HYDIN: variants seen among roughly 807,000 people sequenced by gnomAD.
The protein encoded by HYDIN is HYDIN axonemal central pair apparatus protein, also known as axonemal central pair apparatus protein HYDIN.
In HYDIN, 132 loss-of-function variants were observed where a neutral mutation model predicts 403.9. That is an observed-to-expected ratio of 0.33 (90% CI 0.28 to 0.38). The LOEUF (loss-of-function observed/expected upper bound fraction) is 0.38, where lower values mean the gene tolerates loss of function less well. HYDIN is among the 10% of genes least tolerant of loss of function. HYDIN has a pLI of 1.00. For missense variants in HYDIN, 2,827 were observed against 5,009.5 expected (o/e 0.56, Z 13.15); for synonymous variants, 1,202 against 1,891.7 (o/e 0.64, Z 9.46).
chr16:70,843,276 A>T (rs2037963960), intron 75 of HYDIN, among the ~76,000 whole-genome samples: 1 of 143,164 alleles, frequency 7.0e-6, no homozygotes, highest in Non-Finnish European at 1.5e-5. Flanking sequence ...CCCACCTATG[A>T]GTGAGAATAT....
intron 9 of HYDIN, among the ~76,000 whole-genome samples, chr16:71,124,017 C>T (rs1162736750): frequency 6.6e-6 from 1 of 151,686 alleles, no homozygotes; most frequent in Non-Finnish European, 1.5e-5. Flanking sequence ...GTCATTACTC[C>T]CTTTCTCCAC....
intron 36 of HYDIN, among the ~76,000 whole-genome samples, chr16:70,967,706 T>G (rs1210625894): frequency 1.3e-5 from 2 of 152,346 alleles, no homozygotes; most frequent in East Asian, 3.9e-4. Flanking sequence ...CAGGATGGTC[T>G]CGATCTCCTG....
chr16:70,945,431 G>C (rs1347344981), intron 41 of HYDIN, among the ~76,000 whole-genome samples: 3 of 152,204 alleles, frequency 2.0e-5, no homozygotes, highest in South Asian at 2.1e-4. Flanking sequence ...CCCTTCGAGA[G>C]AGATTGAAAG....
intron 17 of HYDIN, among the ~76,000 whole-genome samples, 160 bp downstream of exon 17, chr16:71,062,009 A>G (rs1170379692): frequency 7.2e-5 from 11 of 152,186 alleles, no homozygotes; most frequent in African/African-American, 2.4e-4. Context: ...AAAGTCACAT[A>G]GCACCGGTAT....
At chr16:71,200,821 A>G (rs1345560660) in intron 1 of HYDIN, among the ~76,000 whole-genome samples, 1 of 152,164 alleles carries the variant, frequency 6.6e-6, no homozygotes, top group Non-Finnish European at 1.5e-5. Flanking sequence ...GAAACTCACT[A>G]TCATGAACAC....
At chr16:70,967,874 C>T (rs2078627765) in intron 36 of HYDIN, among the ~76,000 whole-genome samples, 1 of 152,196 alleles carries the variant, frequency 6.6e-6, no homozygotes, top group African/African-American at 2.4e-5. Context: ...GTGTGTACAA[C>T]TGTGCCTGGC....
At position 70,964,890 on chromosome 16, in the gene HYDIN, G is replaced by A. The variant is rs1189741059; in HGVS notation, c.5626C>T (p.Arg1876Trp). 1.1e-5 allele frequency: 17 copies of A among 1,613,682 alleles called. No individual in the cohort carries two copies. Among genetic ancestry groups the A allele is most frequent in the Middle Eastern group, 1.7e-4 (1 of 5,806 alleles). ...QQYLIEEKIL[R>W]KLKGYDSYNT... ...TAGGAATCATAGCCCTTCAGCTTCC[G>A]CAAGATCTGCTCGAGGGGAGAAAGA... The change falls in exon 37 of 86, where the codon CGG becomes TGG. Residue 1876 changes from arginine (R) to tryptophan (W), a missense_variant. Physicochemically the swap from Arg to Trp is moderately radical, Grantham distance 101. Transcript: ENST00000393567.
Position 70,961,838 on chromosome 16 carries a change from C to T in HYDIN, c.5968+121G>A, listed in dbSNP as rs573997451. The T allele has an allele frequency of 3.6e-5, 22 of 615,438 alleles. No homozygotes were observed. In the East Asian group the frequency reaches 6.1e-4, roughly 17 times the overall value. 38.1% of individuals were successfully genotyped at this position (615,438 alleles called of 1,614,324 possible). A position where few individuals can be genotyped will look rare whatever the true frequency, so the allele number is the denominator to read the frequency against. On this transcript the variant is annotated intron_variant, in intron 38 of 85. Coordinates refer to ENST00000393567, the MANE Select transcript of HYDIN (RefSeq NM_001270974.2). ...TTCTCCGGAGGGCAGCTGTGGTGGG[C>T]AGGGCAGGATGGGCTAGGAGCCATA...
At position 70,868,551 on chromosome 16, in the gene HYDIN, G is replaced by T. The variant is rs534086315; in HGVS notation, c.11310+19C>A. The T allele has an allele frequency of 1.0e-5, 16 of 1,603,584 alleles. No individual in the cohort carries two copies. The Admixed American group carries it at 2.2e-4, about 22-fold the overall frequency. On this transcript the variant is annotated intron_variant, in intron 66 of 85. Transcript: ENST00000393567. The stretch of plus-strand genomic sequence containing the variant: ...AGCATGGAGGCCTGGTCAGATTGGT[G>T]CTTGATGTCCCCACTTACTTTTCGT...
intron 13 of HYDIN, among the ~76,000 whole-genome samples, chr16:71,075,191 G>A (rs2082592254): frequency 6.6e-6 from 1 of 151,944 alleles, no homozygotes. Context: ...GTTCTGCAGT[G>A]TCTTCTGGCC....
chr16:70,843,199 C>A (rs9933380), intron 75 of HYDIN, among the ~76,000 whole-genome samples: 1 of 108,150 alleles, frequency 9.2e-6, no homozygotes, highest in Admixed American at 1.0e-4. Flanking sequence ...CCCCTCCCCC[C>A]ACCCCACCAC....
intron 20 of HYDIN, 163 bp downstream of exon 20, chr16:71,027,439 C>T (rs1232392229): frequency 2.8e-5 from 42 of 1,508,934 alleles, no homozygotes; most frequent in Non-Finnish European, 3.6e-5. Context: ...CAGAGCTGCA[C>T]CCCGAAAGCA....
intron 54 of HYDIN, among the ~76,000 whole-genome samples, 196 bp downstream of exon 54, chr16:70,895,785 T>G (rs1054635508): frequency 6.6e-6 from 1 of 151,940 alleles, no homozygotes; most frequent in African/African-American, 2.4e-5. Context: ...CCACCCGCTT[T>G]CTACCTCTGG....
At chr16:71,188,921 C>T (rs1051717649) in intron 1 of HYDIN, among the ~76,000 whole-genome samples, 4 of 152,052 alleles carry the variant, frequency 2.6e-5, no homozygotes, top group Non-Finnish European at 5.9e-5. Context: ...AAGCAACAGT[C>T]TGATCATAAT....
At chr16:71,030,736 C>G (rs1184911059) in intron 19 of HYDIN, among the ~76,000 whole-genome samples, 1 of 152,234 alleles carries the variant, frequency 6.6e-6, no homozygotes, top group African/African-American at 2.4e-5. Context: ...TGGTCCAAAC[C>G]TGATTTTTAT....
intron 1 of HYDIN, among the ~76,000 whole-genome samples, chr16:71,228,458 T>C (rs529712845): frequency 3.0e-4 from 45 of 152,192 alleles, no homozygotes; most frequent in African/African-American, 1.1e-3. Context: ...CTCAATCAAA[T>C]TTACAAGAAA....
At chr16:71,224,857 G>A (rs1025830789) in intron 1 of HYDIN, among the ~76,000 whole-genome samples, 3 of 152,120 alleles carry the variant, frequency 2.0e-5, no homozygotes, top group African/African-American at 7.2e-5. Flanking sequence ...CACCGCGCCC[G>A]GCCTAAGGTT....
Position 70,923,804 on chromosome 16 carries a change from G to C in HYDIN, c.7159-2587C>G, listed in dbSNP as rs572761531. ...CCACTGCACTCCGGCCTCGGCGACAGAGCAAGACTCTGTCTCAAAAAAAAA... is the reference window on the plus strand; with the variant it reads ...CCACTGCACTCCGGCCTCGGCGACACAGCAAGACTCTGTCTCAAAAAAAAA... On this transcript the variant is annotated intron_variant, in intron 45 of 85. Coordinates refer to ENST00000393567, the MANE Select transcript of HYDIN (RefSeq NM_001270974.2). 4.9e-5 allele frequency among the ~76,000 whole-genome samples: 7 copies of C among 143,390 alleles called. No homozygotes were observed. In the South Asian group the frequency reaches 1.5e-3, roughly 31 times the overall value. 94.1% of individuals were successfully genotyped at this position (143,390 alleles called of 152,430 possible).
chr16:71,085,316 G>A (rs776136279), intron 12 of HYDIN, among the ~76,000 whole-genome samples: 72 of 109,274 alleles, frequency 6.6e-4, no homozygotes, highest in African/African-American at 2.3e-3. Flanking sequence ...TTGGTAGTTC[G>A]TGTCTTTCTA....
Sources: allele counts gnomAD v4.1 joint callset (sites outside exome capture counted in the v4.1 genomes callset), GRCh38; gene constraint gnomAD v4.1.1; transcripts MANE v1.5; gene names NCBI Gene and HGNC (gene_info 2026-07-23, HGNC 2026-07-21).